FMN1: variants seen among roughly 807,000 people sequenced by gnomAD.
The protein encoded by FMN1 is formin 1.
FMN1 carries 110 observed loss-of-function variants against 132.4 expected under a neutral mutation model. That is an observed-to-expected ratio of 0.83 (90% CI 0.71 to 0.97). The LOEUF (loss-of-function observed/expected upper bound fraction) is 0.97. Among genes scored for constraint, FMN1 ranks in the 50% least tolerant of loss-of-function variants. The probability of loss-of-function intolerance (pLI) is 0.00; values close to 1 mark genes in which losing one functional copy is unlikely to be tolerated. For missense variants in FMN1, 1,792 were observed against 1,705.3 expected, an observed-to-expected ratio of 1.05 and a Z score of -0.90; for synonymous variants, 722 against 651.7, an observed-to-expected ratio of 1.11 and a Z score of -1.64.
chr15:33,182,134 C>G (rs556030663), intron 2 of FMN1, among the ~76,000 whole-genome samples: 1 of 152,222 alleles, frequency 6.6e-6, no homozygotes, highest in African/African-American at 2.4e-5. Context: ...ATTTTTCTAG[C>G]TGGAATCATT....
At chr15:32,853,614 A>C (rs986037569) in intron 17 of FMN1, among the ~76,000 whole-genome samples, 8 of 152,244 alleles carry the variant, frequency 5.3e-5, no homozygotes, top group African/African-American at 1.9e-4. Flanking sequence ...AACTCTACAC[A>C]GTAGAGAGGA....
At chr15:32,849,235 C>T (rs1281499232) in intron 17 of FMN1, among the ~76,000 whole-genome samples, 30 of 151,406 alleles carry the variant, frequency 2.0e-4, no homozygotes, top group Non-Finnish European at 1.9e-4. Flanking sequence ...TCGTGATCTG[C>T]CCGCCTCGGC....
intron 16 of FMN1, among the ~76,000 whole-genome samples, chr15:32,858,572 G>C (rs1342707646): frequency 3.9e-5 from 6 of 152,178 alleles, no homozygotes; most frequent in Admixed American, 3.9e-4. Context: ...TTCTTAAAGA[G>C]TTTTTATAGA....
chr15:33,135,744 C>G (rs192950901), intron 4 of FMN1, among the ~76,000 whole-genome samples: 1 of 152,320 alleles, frequency 6.6e-6, no homozygotes, highest in Admixed American at 6.5e-5. Flanking sequence ...AAATATACTA[C>G]TTAACACTGG....
At chr15:32,825,321 T>C (rs1170850252) in intron 17 of FMN1, among the ~76,000 whole-genome samples, 2 of 152,258 alleles carry the variant, frequency 1.3e-5, no homozygotes, top group Non-Finnish European at 2.9e-5. Context: ...CGTCTCATGA[T>C]CTTCAGGGCC....
chr15:32,938,092 T>C (rs1225781211), intron 9 of FMN1, among the ~76,000 whole-genome samples: 1 of 151,970 alleles, frequency 6.6e-6, no homozygotes, highest in Non-Finnish European at 1.5e-5. Context: ...TACATTTTGT[T>C]GCACTTTTTT....
At position 33,020,214 on chromosome 15, in the gene FMN1, C is replaced by T. The variant is rs79296262; in HGVS notation, c.2162-12139G>A. ...GGGGGCAGTCTTGCAGGACGGAGCC[C>T]TCAACTTGTGGTATCAAATACTATC... On this transcript the variant is annotated intron_variant, in intron 6 of 20. Coordinates refer to ENST00000616417, the MANE Select transcript of FMN1 (RefSeq NM_001277313.2). Among the ~76,000 whole-genome samples, 973 of 152,272 alleles carry T rather than the reference C, an allele frequency of 6.4e-3. 10 individuals carry two copies. Among genetic ancestry groups the T allele is most frequent in the African/African-American group, 0.022 (921 of 41,560 alleles).
chr15:33,071,386 T>C (rs1308602058), intron 5 of FMN1, among the ~76,000 whole-genome samples: 2 of 152,214 alleles, frequency 1.3e-5, no homozygotes, highest in Non-Finnish European at 2.9e-5. Context: ...CCTACCATTC[T>C]CCTTCATTTA....
At chr15:32,901,464 C>T (rs191680279) in intron 13 of FMN1, among the ~76,000 whole-genome samples, 427 of 152,306 alleles carry the variant, frequency 2.8e-3, no homozygotes, top group African/African-American at 9.2e-3. Context: ...TATTTCTTTG[C>T]CAATGACTCA....
At chr15:32,923,491 G>T (rs1314806005) in intron 10 of FMN1, among the ~76,000 whole-genome samples, 1 of 152,196 alleles carries the variant, frequency 6.6e-6, no homozygotes, top group East Asian at 1.9e-4. Flanking sequence ...TGATTTTTTA[G>T]AACTTAGGAG....
chr15:32,942,128 C>T (rs924482557), intron 9 of FMN1, among the ~76,000 whole-genome samples: 1 of 152,184 alleles, frequency 6.6e-6, no homozygotes, highest in Non-Finnish European at 1.5e-5. Context: ...GTCACACGTG[C>T]GTACTATTAC....
chr15:32,874,417 A>T (rs2059592126), intron 16 of FMN1, among the ~76,000 whole-genome samples: 1 of 152,180 alleles, frequency 6.6e-6, no homozygotes, highest in African/African-American at 2.4e-5. Context: ...ATTGAAAAAA[A>T]AATTAGATGT....
intron 12 of FMN1, among the ~76,000 whole-genome samples, chr15:32,904,382 C>T (rs567134926): frequency 6.6e-6 from 1 of 152,300 alleles, no homozygotes; most frequent in South Asian, 2.1e-4. Flanking sequence ...AGGGTTTAAA[C>T]TTCTGAACGA....
At chr15:32,827,175 T>C (rs72717671) in intron 17 of FMN1, among the ~76,000 whole-genome samples, 3,185 of 152,300 alleles carry the variant, frequency 0.021, 52 homozygotes, top group Non-Finnish European at 0.032. Context: ...TGGAAAATTA[T>C]GGTCCAAGCA....
chr15:32,906,214 G>C (rs2060421479), intron 12 of FMN1, among the ~76,000 whole-genome samples: 1 of 152,154 alleles, frequency 6.6e-6, no homozygotes, highest in Non-Finnish European at 1.5e-5. Flanking sequence ...GCTGCTCGGT[G>C]GTTAAGGGGT....
chr15:33,104,411 G>A (rs2039404980), intron 4 of FMN1, among the ~76,000 whole-genome samples: 1 of 152,094 alleles, frequency 6.6e-6, no homozygotes, highest in Non-Finnish European at 1.5e-5. Flanking sequence ...AGGAATAGAA[G>A]CACCAAATAA....
At chr15:32,847,854 C>CA (rs1458747666) in intron 17 of FMN1, among the ~76,000 whole-genome samples, 1 of 151,846 alleles carries the variant, frequency 6.6e-6, no homozygotes, top group Non-Finnish European at 1.5e-5. Context: ...GACTCCATCT[C>CA]AAAAAAACAA....
Position 32,771,266 on chromosome 15 carries a change from G to C in FMN1, c.*3044C>G, listed in dbSNP as rs1281893767. 2.6e-5 allele frequency: 4 copies of C among 151,602 alleles called. No homozygotes were observed. The highest frequency in any genetic ancestry group is 9.7e-5 in the African/African-American group (4 of 41,234). 9.4% of individuals were successfully genotyped at this position (151,602 alleles called of 1,614,324 possible). A position where few individuals can be genotyped will look rare whatever the true frequency, so the allele number is the denominator to read the frequency against. ...GCTAATTTTTTGTATTTTTAGTAGA[G>C]ATGGGGTTTCACCGTGTTAGCCAGG... On this transcript the variant is annotated 3_prime_UTR_variant, in exon 21 of 21. Transcript: ENST00000616417.
At chr15:32,788,059 A>G (rs200027711) in intron 19 of FMN1, among the ~76,000 whole-genome samples, 1 of 148,464 alleles carries the variant, frequency 6.7e-6, no homozygotes, top group Admixed American at 6.7e-5. Flanking sequence ...TCACTTGTAT[A>G]CCCAAACATA....
Sources: allele counts gnomAD v4.1 joint callset (sites outside exome capture counted in the v4.1 genomes callset), GRCh38; gene constraint gnomAD v4.1.1; transcripts MANE v1.5; gene names NCBI Gene and HGNC (gene_info 2026-07-23, HGNC 2026-07-21).